Variants in PRIM1 observed in about 807,000 individuals in gnomAD.
PRIM1 encodes the protein DNA primase subunit 1.
In PRIM1, 38 loss-of-function variants were observed where a neutral mutation model predicts 60.2. The observed-to-expected ratio is 0.63, with a 90% CI of 0.49 to 0.83. PRIM1 has a LOEUF of 0.83. Ranked by LOEUF, PRIM1 falls within the 40% of genes least tolerant of loss-of-function variation. The pLI is 0.00. For missense variants in PRIM1, 388 were observed against 506.2 expected (o/e 0.77, Z 2.24); for synonymous variants, 158 against 160.2 (o/e 0.99, Z 0.10).
chr12:56,746,993 C>A lies in PRIM1; in HGVS notation c.301G>T (p.Ala101Ser). 6.2e-7 allele frequency: 1 copy of A among 1,613,672 alleles called. No homozygotes were observed. The highest frequency in any genetic ancestry group is 8.5e-7 in the Non-Finnish European group (1 of 1,179,744). Residue 101 changes from alanine to serine, a missense_variant, in exon 3 of 13, where the codon GCT becomes TCT. Coordinates refer to ENST00000338193, the MANE Select transcript of PRIM1 (RefSeq NM_000946.3). ...HNTVKLGAFQ[A>S]QEKELVFDID... ...TCAAATACCAGTTCTTTTTCCTGAG[C>A]CTGGAAAGCTCCCAGCTTCACTGTA...
At chr12:56,739,117 G>A (rs1030135866) in intron 10 of PRIM1, among the ~76,000 whole-genome samples, 177 bp downstream of exon 10, 4 of 152,154 alleles carry the variant, frequency 2.6e-5, no homozygotes, top group Non-Finnish European at 4.4e-5. Flanking sequence ...ATAACAGCAG[G>A]TGAAAATCTT....
At chr12:56,735,682 G>A (rs1156739920) in intron 11 of PRIM1, among the ~76,000 whole-genome samples, 1 of 147,350 alleles carries the variant, frequency 6.8e-6, no homozygotes, top group Non-Finnish European at 1.5e-5. Flanking sequence ...ATGGAGTCTT[G>A]CTCTGTCTCC....
chr12:56,744,642 C>T (rs2137865266), intron 5 of PRIM1, among the ~76,000 whole-genome samples: 1 of 152,178 alleles, frequency 6.6e-6, no homozygotes, highest in Non-Finnish European at 1.5e-5. Flanking sequence ...ACATGCTGTA[C>T]AGGTTGTAGC....
intron 2 of PRIM1, among the ~76,000 whole-genome samples, chr12:56,748,785 G>A (rs991412979): frequency 2.2e-4 from 33 of 151,982 alleles, no homozygotes; most frequent in Middle Eastern, 3.4e-3. Context: ...GCAAAACCCC[G>A]TCTCTACTAA....
chr12:56,738,308 T>C lies in PRIM1; in HGVS notation c.1144+126A>G, dbSNP rs569681336. ...GCTGTTGAAGAAAGGACACAAACATTGTATGCAGTTCCAGGACAAATGCTG... is the reference window on the plus strand; with the variant it reads ...GCTGTTGAAGAAAGGACACAAACATCGTATGCAGTTCCAGGACAAATGCTG... On this transcript the variant is annotated intron_variant, in intron 11 of 12. Transcript: ENST00000338193. 80 of 1,302,448 alleles carry C rather than the reference T, an allele frequency of 6.1e-5. No individual in the cohort carries two copies. In the Middle Eastern group the frequency reaches 8.7e-4, roughly 14 times the overall value. 80.7% of individuals were successfully genotyped at this position (1,302,448 alleles called of 1,614,324 possible).
intron 6 of PRIM1, chr12:56,743,861 C>T (rs1953888836): frequency 2.2e-6 from 1 of 448,374 alleles, no homozygotes; most frequent in African/African-American, 2.0e-5. Flanking sequence ...CATCAAGTCT[C>T]TTGTGGGGTT....
intron 7 of PRIM1, among the ~76,000 whole-genome samples, chr12:56,742,676 G>A (rs1159254008): frequency 6.6e-6 from 1 of 152,094 alleles, no homozygotes; most frequent in Non-Finnish European, 1.5e-5. Flanking sequence ...CAGAAAGAAT[G>A]CCAAAATAAC....
chr12:56,747,067 A>G, intron 2 of PRIM1, 35 bp from the exon 3 acceptor site: 2 of 1,515,216 alleles, frequency 1.3e-6, no homozygotes, highest in Non-Finnish European at 1.8e-6. Flanking sequence ...TTTCTATAAG[A>G]GCTGCCACAC....
intron 2 of PRIM1, among the ~76,000 whole-genome samples, chr12:56,750,524 T>C (rs1336627042): frequency 6.6e-6 from 1 of 150,958 alleles, no homozygotes; most frequent in African/African-American, 2.4e-5. Flanking sequence ...TCAATAAAAA[T>C]AAACAATTAA....
chr12:56,752,178 A>G lies in PRIM1; in HGVS notation c.103+18T>C. 6.5e-7 allele frequency: 1 copy of G among 1,550,340 alleles called. No individual in the cohort carries two copies. The highest frequency in any genetic ancestry group is 1.7e-4 in the Middle Eastern group (1 of 5,942). On this transcript the variant is annotated intron_variant, in intron 1 of 12. Coordinates refer to ENST00000338193, the MANE Select transcript of PRIM1 (RefSeq NM_000946.3). ...CTCCTCACACTCCGCTCCCGAACCC[A>G]TTCCTCGCCTCCATCACCTCCACCG...
chr12:56,736,269 G>C (rs1269208781), intron 11 of PRIM1, among the ~76,000 whole-genome samples: 1 of 112,622 alleles, frequency 8.9e-6, no homozygotes, highest in Middle Eastern at 0.01. Context: ...TTGCACACCA[G>C]CCTGGGTGAC....
At chr12:56,740,985 T>C (rs903067328) in intron 9 of PRIM1, among the ~76,000 whole-genome samples, 5 of 152,080 alleles carry the variant, frequency 3.3e-5, no homozygotes, top group Non-Finnish European at 7.4e-5. Context: ...AGCTAATTTT[T>C]GTATTTTTTG....
At position 56,746,847 on chromosome 12, in the gene PRIM1, C is replaced by T. The variant is rs1486364965; in HGVS notation, c.376G>A (p.Asp126Asn). The change falls in exon 4 of 13, where the codon GAC becomes AAC. Residue 126 changes from aspartate to asparagine, a missense_variant. This residue lies in a region of PRIM1 where 156 missense variants were observed against 175.8 expected (regional missense o/e 0.89). Transcript: ENST00000338193. ...AGGGTCCAGCACTTAGGACATATGT[C>T]TGCAGAACTAAAGCAGAGTCATCAT... Reference protein sequence around the residue: ...DDVRRCCSSADICPKCWTLMT... With the variant: ...DDVRRCCSSANICPKCWTLMT... 10 of 1,613,808 alleles carry T rather than the reference C, an allele frequency of 6.2e-6. No individual in the cohort carries two copies. Among genetic ancestry groups the T allele is most frequent in the Admixed American group, 1.7e-5 (1 of 59,972 alleles).
rs553625256 is a variant in PRIM1, at chr12:56,737,816, C to T, written c.1144+618G>A. 2.6e-5 allele frequency among the ~76,000 whole-genome samples: 4 copies of T among 152,266 alleles called. No individual in the cohort carries two copies. The South Asian group carries it at 8.3e-4, about 32-fold the overall frequency. ...CTTGGCTCACTGCAACCCCTGCCTCCTGGGTTCAAGCGATTCTCCTGACTC... is the reference window on the plus strand; with the variant it reads ...CTTGGCTCACTGCAACCCCTGCCTCTTGGGTTCAAGCGATTCTCCTGACTC... On this transcript the variant is annotated intron_variant, in intron 11 of 12. Transcript: ENST00000338193.
At chr12:56,743,148 G>A (rs1330995960) in intron 6 of PRIM1, 52 bp from the exon 7 acceptor site, 7 of 1,438,610 alleles carry the variant, frequency 4.9e-6, no homozygotes, top group Non-Finnish European at 6.3e-6. Flanking sequence ...TAACACATAT[G>A]CCACATAGGT....
chr12:56,749,396 A>C (rs1422308092), intron 2 of PRIM1, among the ~76,000 whole-genome samples: 2 of 152,192 alleles, frequency 1.3e-5, no homozygotes, highest in Non-Finnish European at 2.9e-5. Context: ...AAAACAAAAC[A>C]CAAAAAGTAA....
chr12:56,736,298 T>TAGAAAAAAA (rs1555228526), intron 11 of PRIM1, among the ~76,000 whole-genome samples: 1 of 24,316 alleles, frequency 4.1e-5, no homozygotes, highest in Non-Finnish European at 6.2e-5. Context: ...ACTCTTTCTC[T>TAGAAAAAAA]AAAAAAAAAA....
At chr12:56,732,855 G>T (rs1418652474) in intron 12 of PRIM1, among the ~76,000 whole-genome samples, 5 of 151,504 alleles carry the variant, frequency 3.3e-5, no homozygotes, top group Non-Finnish European at 7.4e-5. Context: ...TTAGGGATTA[G>T]AAATTTTTTT....
intron 2 of PRIM1, among the ~76,000 whole-genome samples, chr12:56,750,065 GT>G (rs1424207917): frequency 6.6e-6 from 1 of 152,154 alleles, no homozygotes. Context: ...ATAGAAATGG[GT>G]TTTAGGCAGT....
Sources: gnomAD v4.1 joint callset for allele counts (sites outside exome capture counted in the v4.1 genomes callset) on GRCh38, gnomAD v4.1.1 for gene constraint, gnomAD v4.1.1 regional missense constraint, MANE v1.5 for transcripts, NCBI Gene and HGNC (gene_info 2026-07-23, HGNC 2026-07-21) for gene names.